AGBL1: variants seen among roughly 807,000 people sequenced by gnomAD.
AGBL1 encodes AGBL carboxypeptidase 1.
Under a neutral mutation model 118.9 loss-of-function variants are expected in AGBL1, and 130 were observed. The ratio of observed to expected loss-of-function variants is 1.09; its 90% CI spans 0.95 to 1.26. The LOEUF is 1.26. Among genes scored for constraint, AGBL1 ranks in the 50% most tolerant of loss-of-function variants. The pLI, the probability that AGBL1 is intolerant of heterozygous loss-of-function variation, is 0.00. For synonymous variants in AGBL1, 555 were observed against 478.9 expected (o/e 1.16, Z -2.08); for missense variants, 1,584 against 1,298.1 (o/e 1.22, Z -3.38).
chr15:86,259,451 TA>T (rs951438274), intron 9 of AGBL1, among the ~76,000 whole-genome samples: 9 of 151,984 alleles, frequency 5.9e-5, no homozygotes, highest in Admixed American at 1.3e-4. Flanking sequence ...AAACTCAAAT[TA>T]AAAAAAATCA....
At chr15:86,414,418 G>T (rs1451590177) in intron 18 of AGBL1, among the ~76,000 whole-genome samples, 1 of 152,092 alleles carries the variant, frequency 6.6e-6, no homozygotes, top group Non-Finnish European at 1.5e-5. Flanking sequence ...AGAGGTAGTT[G>T]GATGTCTAAG....
At chr15:86,196,877 G>GCACACACA (rs1411585572) in intron 5 of AGBL1, among the ~76,000 whole-genome samples, 3 of 86,390 alleles carry the variant, frequency 3.5e-5, no homozygotes, top group East Asian at 4.0e-4. Flanking sequence ...GTGCGCGCGC[G>GCACACACA]CGCACACACA....
chr15:86,507,505 TG>T (rs1363909099), intron 18 of AGBL1, among the ~76,000 whole-genome samples: 1 of 152,030 alleles, frequency 6.6e-6, no homozygotes, highest in Non-Finnish European at 1.5e-5. Flanking sequence ...TACACTCTAG[TG>T]GGGAAGAGAG....
chr15:86,987,948 T>A (rs1567274195), intron 23 of AGBL1: 1 of 1,593,846 alleles, frequency 6.3e-7, no homozygotes, highest in Non-Finnish European at 8.5e-7. Flanking sequence ...ATGGTTTATT[T>A]TCACCAATCT....
chr15:87,008,185 C>T (rs987083404), intron 24 of AGBL1, among the ~76,000 whole-genome samples: 2 of 152,168 alleles, frequency 1.3e-5, no homozygotes, highest in African/African-American at 4.8e-5. Flanking sequence ...CTGCTTCCAC[C>T]TGATATTGAT....
chr15:86,144,461 A>C (rs9920786), intron 3 of AGBL1, among the ~76,000 whole-genome samples: 6,784 of 152,306 alleles, frequency 0.045, 496 homozygotes, highest in African/African-American at 0.15. Context: ...GTACACATAC[A>C]CCATGGAATA....
intron 22 of AGBL1, among the ~76,000 whole-genome samples, chr15:86,862,120 C>G (rs2079567011): frequency 6.6e-6 from 1 of 152,132 alleles, no homozygotes; most frequent in African/African-American, 2.4e-5. Flanking sequence ...GTACCTACTT[C>G]TTAGAATCAT....
At chr15:86,755,278 C>T (rs1188244064) in intron 22 of AGBL1, among the ~76,000 whole-genome samples, 1 of 152,078 alleles carries the variant, frequency 6.6e-6, no homozygotes, top group Non-Finnish European at 1.5e-5. Flanking sequence ...AATGAAAACA[C>T]TCTACAGTAT....
At chr15:86,194,624 C>A (rs1393503104) in intron 5 of AGBL1, among the ~76,000 whole-genome samples, 1 of 152,168 alleles carries the variant, frequency 6.6e-6, no homozygotes, top group Middle Eastern at 3.2e-3. Flanking sequence ...AACTTATTTT[C>A]CTACGATAAC....
At chr15:86,600,138 G>A (rs1181619660) in intron 21 of AGBL1, among the ~76,000 whole-genome samples, 1 of 152,000 alleles carries the variant, frequency 6.6e-6, no homozygotes, top group African/African-American at 2.4e-5. Flanking sequence ...GCCCAGTTCT[G>A]GGCAACATCC....
Position 86,892,979 on chromosome 15 carries a change from G to A in AGBL1, c.3159-14108G>A, listed in dbSNP as rs138092017. Among the ~76,000 whole-genome samples the A allele has an allele frequency of 9.3e-4, 142 of 152,264 alleles. No individual in the cohort carries two copies. In the South Asian group the frequency reaches 0.011, roughly 12 times the overall value. ...TCGTGCCTCTTAGATGGAGCACAGC[G>A]TTCACACAGCTCTGCTCCTGGAGAA... On this transcript the variant is annotated intron_variant, in intron 22 of 22. Transcript: ENST00000614907.
intron 5 of AGBL1, among the ~76,000 whole-genome samples, chr15:86,199,227 T>C (rs989065311): frequency 2.6e-5 from 4 of 152,232 alleles, no homozygotes; most frequent in Admixed American, 6.5e-5. Context: ...ATTGTGTAGA[T>C]GTATTATAAT....
intron 24 of AGBL1, among the ~76,000 whole-genome samples, chr15:86,988,711 A>G (rs748697489): frequency 2.6e-5 from 4 of 152,110 alleles, no homozygotes; most frequent in Non-Finnish European, 4.4e-5. Context: ...GTAACTGTAT[A>G]TTGCTAGTGT....
At chr15:86,834,128 C>T (rs912201110) in intron 22 of AGBL1, among the ~76,000 whole-genome samples, 1 of 152,082 alleles carries the variant, frequency 6.6e-6, no homozygotes, top group East Asian at 1.9e-4. Flanking sequence ...CAAGGAAGCC[C>T]TATGTCGGGA....
chr15:86,491,012 G>T (rs531631574), intron 18 of AGBL1, among the ~76,000 whole-genome samples: 3 of 152,192 alleles, frequency 2.0e-5, no homozygotes, highest in Non-Finnish European at 2.9e-5. Context: ...TAGGCTCTTT[G>T]TCTAGCACTG....
At chr15:86,310,441 G>A (rs937574434) in intron 17 of AGBL1, among the ~76,000 whole-genome samples, 1 of 152,152 alleles carries the variant, frequency 6.6e-6, no homozygotes, top group African/African-American at 2.4e-5. Flanking sequence ...TCCTGTTGGA[G>A]TCCTTGGGCA....
intron 22 of AGBL1, among the ~76,000 whole-genome samples, chr15:86,836,131 G>A (rs2079168114): frequency 1.3e-5 from 2 of 152,134 alleles, no homozygotes; most frequent in Admixed American, 6.5e-5. Flanking sequence ...GCTAAACAGA[G>A]ATTGCCTGTT....
intron 22 of AGBL1, among the ~76,000 whole-genome samples, chr15:86,742,238 T>C (rs993490650): frequency 1.3e-5 from 2 of 152,184 alleles, no homozygotes; most frequent in Non-Finnish European, 2.9e-5. Context: ...CTTTTTGTAC[T>C]TTTTATGAGC....
At chr15:86,887,853 C>T (rs982785624) in intron 22 of AGBL1, among the ~76,000 whole-genome samples, 3 of 152,052 alleles carry the variant, frequency 2.0e-5, no homozygotes, top group African/African-American at 7.2e-5. Context: ...AAAACATATA[C>T]CCCCTCTGGA....
Sources: allele counts gnomAD v4.1 joint callset (sites outside exome capture counted in the v4.1 genomes callset), GRCh38; gene constraint gnomAD v4.1.1; transcripts MANE v1.5; gene names NCBI Gene and HGNC (gene_info 2026-07-23, HGNC 2026-07-21).